VRK2: variants seen among roughly 807,000 people sequenced by gnomAD.
VRK2 encodes the protein serine/threonine-protein kinase VRK2.
Under a neutral mutation model 57.6 loss-of-function variants are expected in VRK2, and 60 were observed. The ratio of observed to expected loss-of-function variants is 1.04; its 90% CI spans 0.85 to 1.29. The LOEUF is 1.29. Ranked by LOEUF, VRK2 falls within the 50% of genes most tolerant of loss-of-function variation. The probability of loss-of-function intolerance (pLI) is 0.00; values close to 1 mark genes in which losing one functional copy is unlikely to be tolerated. For missense variants in VRK2, 705 were observed against 588.1 expected, an observed-to-expected ratio of 1.20 and a Z score of -2.06; for synonymous variants, 231 against 199.2, an observed-to-expected ratio of 1.16 and a Z score of -1.35.
Position 57,928,415 on chromosome 2 carries a change from A to G in VRK2, c.-439+20576A>G, listed in dbSNP as rs554517492. On this transcript the variant is annotated intron_variant, in intron 1 of 15. Transcript: ENST00000417641. ...TATTCAATCTCTTTGTTAAATTTAT[A>G]TGATAGGCTTCTGAATTCTTTCTTT... Among the ~76,000 whole-genome samples, 20 of 152,172 alleles carry G rather than the reference A, an allele frequency of 1.3e-4. No individual in the cohort carries two copies. In the South Asian group the frequency reaches 4.2e-3, roughly 32 times the overall value.
At chr2:58,040,871 G>A (rs1414827348) in intron 3 of VRK2, among the ~76,000 whole-genome samples, 1 of 152,182 alleles carries the variant, frequency 6.6e-6, no homozygotes, top group African/African-American at 2.4e-5. Context: ...GACCCTTAGA[G>A]GATGTTGTTG....
chr2:58,078,030 CTG>C (rs1421333094), intron 2 of VRK2, among the ~76,000 whole-genome samples: 1 of 152,090 alleles, frequency 6.6e-6, no homozygotes, highest in East Asian at 1.9e-4. Flanking sequence ...ATTTTTAAAA[CTG>C]TGTTTGTATA....
intron 1 of VRK2, among the ~76,000 whole-genome samples, chr2:57,994,976 A>T (rs1672882182): frequency 6.6e-6 from 1 of 152,192 alleles, no homozygotes; most frequent in African/African-American, 2.4e-5. Context: ...CTTCCCTGTG[A>T]TTAAAAATAT....
intron 1 of VRK2, among the ~76,000 whole-genome samples, chr2:57,966,766 G>C (rs1468755672): frequency 6.6e-6 from 1 of 152,140 alleles, no homozygotes; most frequent in African/African-American, 2.4e-5. Context: ...ATTTTTAAGA[G>C]AGTTACTAGT....
At chr2:57,974,549 G>A (rs77676659) in intron 1 of VRK2, among the ~76,000 whole-genome samples, 5,365 of 151,668 alleles carry the variant, frequency 0.035, 105 homozygotes, top group Middle Eastern at 0.058. Context: ...CATAAAAATA[G>A]GAAAAAAATT....
intron 1 of VRK2, among the ~76,000 whole-genome samples, chr2:57,981,563 A>G (rs1263968384): frequency 6.6e-6 from 1 of 152,128 alleles, no homozygotes; most frequent in African/African-American, 2.4e-5. Flanking sequence ...CCTGAATTTT[A>G]TGATTTGCAT....
intron 1 of VRK2, among the ~76,000 whole-genome samples, chr2:57,981,691 T>G (rs549160597): frequency 1.5e-4 from 23 of 152,348 alleles, no homozygotes; most frequent in African/African-American, 5.3e-4. Context: ...ATAAGTTTGG[T>G]TTCTTTACAT....
At chr2:58,131,013 A>T (rs1679116313) in intron 8 of VRK2, among the ~76,000 whole-genome samples, 1 of 152,006 alleles carries the variant, frequency 6.6e-6, no homozygotes, top group African/African-American at 2.4e-5. Context: ...TAATAGGTTG[A>T]TATAAAATGA....
chr2:58,151,474 T>A (rs1683014723), intron 12 of VRK2, among the ~76,000 whole-genome samples: 1 of 151,728 alleles, frequency 6.6e-6, no homozygotes, highest in Admixed American at 6.6e-5. Flanking sequence ...TATCTGTGGC[T>A]TTTGTAACTA....
At chr2:58,068,504 A>T (rs970447313) in intron 2 of VRK2, among the ~76,000 whole-genome samples, 4 of 151,928 alleles carry the variant, frequency 2.6e-5, no homozygotes, top group Non-Finnish European at 5.9e-5. Context: ...CTGGGCATTG[A>T]TTTCTTTGGG....
At chr2:58,044,452 T>C (rs549402781), upstream of VRK2, among the ~76,000 whole-genome samples, 1 of 152,172 alleles carries the variant, frequency 6.6e-6, no homozygotes, top group Non-Finnish European at 1.5e-5. Flanking sequence ...GGGGATACAG[T>C]AGTGACGAAA....
intron 2 of VRK2, among the ~76,000 whole-genome samples, chr2:58,079,590 A>G (rs1024654664): frequency 7.9e-5 from 12 of 152,082 alleles, no homozygotes; most frequent in Non-Finnish European, 1.6e-4. Flanking sequence ...AAATCAGTAG[A>G]CAATGGATTT....
At chr2:57,925,991 G>T (rs1048284678) in intron 1 of VRK2, among the ~76,000 whole-genome samples, 1 of 151,764 alleles carries the variant, frequency 6.6e-6, no homozygotes, top group Non-Finnish European at 1.5e-5. Context: ...TTGACCCACT[G>T]GTCATTCAGG....
intron 7 of VRK2, among the ~76,000 whole-genome samples, chr2:58,113,274 A>G (rs1409117100): frequency 6.7e-6 from 1 of 149,618 alleles, no homozygotes; most frequent in East Asian, 2.0e-4. Flanking sequence ...GTGCCACTGC[A>G]CCACTCCTAC....
At chr2:58,098,671 G>A (rs1020565963) in intron 7 of VRK2, among the ~76,000 whole-genome samples, 1 of 151,948 alleles carries the variant, frequency 6.6e-6, no homozygotes, top group African/African-American at 2.4e-5. Context: ...ACTATCAGGG[G>A]TTGTGTAAGT....
At position 57,919,631 on chromosome 2, in the gene VRK2, G is replaced by A. The variant is rs372572357; in HGVS notation, c.-439+11792G>A. On this transcript the variant is annotated intron_variant, in intron 1 of 15. Coordinates refer to the VRK2 transcript ENST00000417641. ...CATTCACAATCAGTAACATACAAAT[G>A]TCTGTATCCAGAAATTTTGAAGGAC... Among the ~76,000 whole-genome samples the A allele has an allele frequency of 3.5e-4, 53 of 152,208 alleles. 1 individual carries two copies. The South Asian group carries it at 0.01, about 30-fold the overall frequency.
intron 7 of VRK2, among the ~76,000 whole-genome samples, chr2:58,106,290 T>A (rs144826813): frequency 3.7e-4 from 57 of 152,168 alleles, no homozygotes; most frequent in African/African-American, 1.3e-3. Context: ...TGCTAGCCTA[T>A]GAACTATTGA....
chr2:57,934,841 T>G (rs954074419), intron 1 of VRK2, among the ~76,000 whole-genome samples: 2 of 152,168 alleles, frequency 1.3e-5, no homozygotes, highest in Admixed American at 6.5e-5. Flanking sequence ...ACCACTTGAT[T>G]AAGTCTACTG....
chr2:58,009,490 T>C (rs2103643814), intron 1 of VRK2, among the ~76,000 whole-genome samples: 1 of 150,626 alleles, frequency 6.6e-6, no homozygotes. Flanking sequence ...TTGATGTCTT[T>C]ATTTTTAATT....
Sources: allele counts gnomAD v4.1 joint callset (sites outside exome capture counted in the v4.1 genomes callset), GRCh38; gene constraint gnomAD v4.1.1; transcripts MANE v1.5; gene names NCBI Gene and HGNC (gene_info 2026-07-23, HGNC 2026-07-21).